Variants in ARID4B observed in about 807,000 individuals in gnomAD.
ARID4B encodes the protein AT-rich interaction domain 4B.
ARID4B carries 26 observed loss-of-function variants against 147.5 expected under a neutral mutation model. That is an observed-to-expected ratio of 0.18 (90% CI 0.13 to 0.24). The LOEUF is 0.24. Among genes scored for constraint, ARID4B ranks in the 10% least tolerant of loss-of-function variants. ARID4B has a pLI of 1.00. For missense variants in ARID4B, 1,179 were observed against 1,511.5 expected, an observed-to-expected ratio of 0.78 and a Z score of 3.65; for synonymous variants, 512 against 507.9, an observed-to-expected ratio of 1.01 and a Z score of -0.11.
chr1:235,199,303 A>C (rs1665717495), intron 17 of ARID4B, among the ~76,000 whole-genome samples: 1 of 151,918 alleles, frequency 6.6e-6, no homozygotes, highest in Non-Finnish European at 1.5e-5. Flanking sequence ...TTTCTATTCT[A>C]CTTTCTCAGT....
At chr1:235,245,939 A>T (rs1228722232) in intron 7 of ARID4B, among the ~76,000 whole-genome samples, 1 of 152,216 alleles carries the variant, frequency 6.6e-6, no homozygotes, top group Non-Finnish European at 1.5e-5. Flanking sequence ...CTGGCTCCAC[A>T]GTTCATACTA....
At chr1:235,266,308 C>T (rs952537572) in intron 2 of ARID4B, among the ~76,000 whole-genome samples, 1 of 152,030 alleles carries the variant, frequency 6.6e-6, no homozygotes, top group African/African-American at 2.4e-5. Flanking sequence ...ATATGCATGT[C>T]TATCTATACG....
At chr1:235,308,078 T>G (rs576435901) in intron 2 of ARID4B, among the ~76,000 whole-genome samples, 2 of 147,052 alleles carry the variant, frequency 1.4e-5, no homozygotes, top group Admixed American at 1.4e-4. Flanking sequence ...ATATGATTTC[T>G]TCTAATTTTT....
intron 10 of ARID4B, among the ~76,000 whole-genome samples, chr1:235,230,095 A>G (rs1431645369): frequency 6.6e-6 from 1 of 152,226 alleles, no homozygotes; most frequent in African/African-American, 2.4e-5. Flanking sequence ...ATGTACATTC[A>G]TTAGTGAGAA....
intron 2 of ARID4B, among the ~76,000 whole-genome samples, chr1:235,310,403 A>G (rs1673965920): frequency 6.6e-6 from 1 of 152,222 alleles, no homozygotes; most frequent in African/African-American, 2.4e-5. Flanking sequence ...TACTAACAAA[A>G]GAACAGGCTC....
chr1:235,202,697 G>T (rs985440139), intron 17 of ARID4B, among the ~76,000 whole-genome samples: 1 of 151,778 alleles, frequency 6.6e-6, no homozygotes, highest in South Asian at 2.1e-4. Flanking sequence ...TTACAGGTGT[G>T]TGCCACCACG....
At chr1:235,262,359 C>T (rs1306351788) in intron 2 of ARID4B, among the ~76,000 whole-genome samples, 2 of 152,146 alleles carry the variant, frequency 1.3e-5, no homozygotes, top group Non-Finnish European at 2.9e-5. Context: ...CAAAACATAT[C>T]AGTTATACAA....
intron 2 of ARID4B, among the ~76,000 whole-genome samples, chr1:235,274,488 A>C (rs1671192995): frequency 6.6e-6 from 1 of 152,236 alleles, no homozygotes; most frequent in Non-Finnish European, 1.5e-5. Flanking sequence ...AAATGTTTAT[A>C]TTAAATCTTT....
At position 235,223,109 on chromosome 1, in the gene ARID4B, A is replaced by G. The variant is rs895516353; in HGVS notation, c.1065+57T>C. 21 of 1,162,476 alleles carry G rather than the reference A, an allele frequency of 1.8e-5. No individual in the cohort carries two copies. In the Admixed American group the frequency reaches 3.0e-4, roughly 16 times the overall value. 72.0% of individuals were successfully genotyped at this position (1,162,476 alleles called of 1,614,324 possible). ...AGAAAAACAATTTCAGAGATGGCAG[A>G]TACCTGAGAAAACATGTTACATGAA... On this transcript the variant is annotated intron_variant, in intron 13 of 23. Transcript: ENST00000264183.
intron 6 of ARID4B, among the ~76,000 whole-genome samples, chr1:235,251,399 A>G (rs1303105147): frequency 2.0e-5 from 3 of 152,062 alleles, no homozygotes; most frequent in South Asian, 2.1e-4. Context: ...GTCTGAAAAT[A>G]CCAAGCAGTC....
At chr1:235,267,321 A>G (rs1366316238) in intron 2 of ARID4B, among the ~76,000 whole-genome samples, 1 of 152,242 alleles carries the variant, frequency 6.6e-6, no homozygotes, top group Non-Finnish European at 1.5e-5. Context: ...TAATAAATGT[A>G]CTTAAACACA....
chr1:235,236,851 TATATATATATA>T (rs1223586069), intron 8 of ARID4B, among the ~76,000 whole-genome samples: 6 of 41,034 alleles, frequency 1.5e-4, no homozygotes, highest in Non-Finnish European at 2.9e-4. Flanking sequence ...TATATATATA[TATATATATATA>T]TTTTTTTTTT....
chr1:235,219,145 G>A (rs1409672784), intron 16 of ARID4B, among the ~76,000 whole-genome samples: 1 of 151,966 alleles, frequency 6.6e-6, no homozygotes, highest in Non-Finnish European at 1.5e-5. Context: ...GATTACAGGC[G>A]TGAACCACCG....
At chr1:235,301,371 T>TTACAAAAAA (rs1486772576) in intron 2 of ARID4B, among the ~76,000 whole-genome samples, 1 of 151,180 alleles carries the variant, frequency 6.6e-6, no homozygotes, top group Non-Finnish European at 1.5e-5. Flanking sequence ...AACCTTGTCT[T>TTACAAAAAA]TACAAAAAAT....
At chr1:235,177,154 T>C (rs1663945676) in intron 21 of ARID4B, among the ~76,000 whole-genome samples, 1 of 152,232 alleles carries the variant, frequency 6.6e-6, no homozygotes, top group South Asian at 2.1e-4. Flanking sequence ...GTTATCTTGA[T>C]TGTTATACTT....
chr1:235,314,243 A>T (rs1235352800), intron 2 of ARID4B, among the ~76,000 whole-genome samples: 1 of 150,730 alleles, frequency 6.6e-6, no homozygotes, highest in Admixed American at 6.6e-5. Context: ...CAGCTTATTT[A>T]AAAAAAAACA....
At chr1:235,326,184 C>G (rs560575549) in intron 2 of ARID4B, among the ~76,000 whole-genome samples, 63 of 151,810 alleles carry the variant, frequency 4.1e-4, no homozygotes, top group Non-Finnish European at 2.1e-4. Context: ...TATACATATT[C>G]TCTCAAGTAA....
At chr1:235,327,482 C>T (rs1337731268) in intron 1 of ARID4B, 1 of 152,230 alleles carries the variant, frequency 6.6e-6, no homozygotes, top group Admixed American at 6.5e-5. Flanking sequence ...AACATCTGGC[C>T]CCGCCGCGGG....
intron 6 of ARID4B, among the ~76,000 whole-genome samples, chr1:235,249,920 CAG>C (rs754956220): frequency 4.6e-5 from 6 of 130,960 alleles, no homozygotes; most frequent in Non-Finnish European, 9.5e-5. Flanking sequence ...AGCCTGGCGA[CAG>C]AGAGAGACTC....
Sources: allele counts gnomAD v4.1 joint callset (sites outside exome capture counted in the v4.1 genomes callset), GRCh38; gene constraint gnomAD v4.1.1; transcripts MANE v1.5; gene names NCBI Gene and HGNC (gene_info 2026-07-23, HGNC 2026-07-21).